The following THBS4 variants were observed in gnomAD, a reference collection of about 807,000 sequenced individuals.
THBS4 encodes thrombospondin-4.
Under a neutral mutation model 115.7 loss-of-function variants are expected in THBS4, and 90 were observed. The ratio of observed to expected loss-of-function variants is 0.78; its 90% CI spans 0.66 to 0.93. THBS4 has a LOEUF of 0.93. THBS4 is among the 40% of genes least tolerant of loss of function. The probability of loss-of-function intolerance (pLI) is 0.00; values close to 1 mark genes in which losing one functional copy is unlikely to be tolerated. For synonymous variants in THBS4, 460 were observed against 479.3 expected (o/e 0.96, Z 0.53); for missense variants, 1,087 against 1,232.7 (o/e 0.88, Z 1.77).
chr5:79,997,624 A>G (rs1375710066), intron 1 of THBS4, among the ~76,000 whole-genome samples: 1 of 152,222 alleles, frequency 6.6e-6, no homozygotes. Flanking sequence ...AAAAATAAGC[A>G]AAGATATAGA....
Position 80,079,953 on chromosome 5 carries a change from T to A in THBS4, c.2560T>A (p.Trp854Arg), listed in dbSNP as rs1460265546. ...GPGEHLRNSL[W>R]HTGDTSDQVR... ...AGGGGAGCATCTCCGGAACTCCCTGTGGCACACGGGGGACACCAGTGACCA... is the reference window on the plus strand; with the variant it reads ...AGGGGAGCATCTCCGGAACTCCCTGAGGCACACGGGGGACACCAGTGACCA... The change falls in exon 20 of 22, where the codon TGG becomes AGG. Residue 854 changes from tryptophan (W) to arginine (R), a missense_variant. Trp to Arg is a moderately radical substitution (Grantham distance 101). Transcript: ENST00000350881. The A allele has an allele frequency of 6.2e-7, 1 of 1,614,126 alleles. No individual in the cohort carries two copies. Among genetic ancestry groups the A allele is most frequent in the East Asian group, 2.2e-5 (1 of 44,862 alleles).
chr5:80,062,384 T>A (rs541096067), intron 8 of THBS4, among the ~76,000 whole-genome samples: 1 of 152,236 alleles, frequency 6.6e-6, no homozygotes, highest in Non-Finnish European at 1.5e-5. Flanking sequence ...TTTAACTGAC[T>A]GACTGTGAAA....
intron 10 of THBS4, among the ~76,000 whole-genome samples, chr5:80,069,441 A>T (rs1290974242): frequency 6.6e-6 from 1 of 152,228 alleles, no homozygotes; most frequent in Non-Finnish European, 1.5e-5. Context: ...AAAAGCAGTC[A>T]TTGAGAAACA....
In THBS4 at chr5:80,056,217, G is replaced by A. The variant is rs78513311; in HGVS notation, c.540+185G>A. Among the ~76,000 whole-genome samples, 132 of 152,264 alleles carry A rather than the reference G, an allele frequency of 8.7e-4. 1 individual carries two copies. Among genetic ancestry groups the A allele is most frequent in the Admixed American group, 1.8e-3 (27 of 15,302 alleles). ...GCTGCCCCTAGGACAAACTGAATCCGAATCTGTCGGGTGGGGCCTAGCATA... is the reference window on the plus strand; with the variant it reads ...GCTGCCCCTAGGACAAACTGAATCCAAATCTGTCGGGTGGGGCCTAGCATA... On this transcript the variant is annotated intron_variant, in intron 3 of 21. Coordinates refer to ENST00000350881, the MANE Select transcript of THBS4 (RefSeq NM_003248.6).
intron 2 of THBS4, among the ~76,000 whole-genome samples, chr5:80,012,829 T>A (rs1369209865): frequency 6.6e-6 from 1 of 152,202 alleles, no homozygotes; most frequent in Non-Finnish European, 1.5e-5. Context: ...TCTACTTAAG[T>A]AGTGGCATTC....
chr5:80,059,559 A>G, intron 6 of THBS4, 68 bp downstream of exon 6: 1 of 1,604,652 alleles, frequency 6.2e-7, no homozygotes. Context: ...GCTTGCGGTG[A>G]GGCTGTGTTG....
chr5:80,018,389 CTTTTTTTTT>C (rs35373315), intron 2 of THBS4, among the ~76,000 whole-genome samples: 1 of 100,004 alleles, frequency 1.0e-5, no homozygotes, highest in Non-Finnish European at 1.9e-5. Context: ...TTCAAATATA[CTTTTTTTTT>C]TTTTTTTTTT....
chr5:80,013,810 TTAAATGA>T (rs1307505840), intron 2 of THBS4, among the ~76,000 whole-genome samples: 1 of 152,236 alleles, frequency 6.6e-6, no homozygotes, highest in Non-Finnish European at 1.5e-5. Flanking sequence ...ATTGTGAGAA[TTAAATGA>T]TGTATAATTC....
Position 80,083,226 on chromosome 5 carries a change from C to A in THBS4, c.*85C>A. 1 of 1,161,968 alleles carries A rather than the reference C, an allele frequency of 8.6e-7. No homozygotes were observed. The highest frequency in any genetic ancestry group is 1.3e-6 in the Non-Finnish European group (1 of 773,212). 72.0% of individuals were successfully genotyped at this position (1,161,968 alleles called of 1,614,324 possible). A position where few individuals can be genotyped will look rare whatever the true frequency, so the allele number is the denominator to read the frequency against. The stretch of plus-strand genomic sequence containing the variant: ...CAATTTTCTTTAGCTTTTACCAACC[C>A]AAATATATCAAAACGTTTTATGTGA... On this transcript the variant is annotated 3_prime_UTR_variant, in exon 22 of 22. Coordinates refer to ENST00000350881, the MANE Select transcript of THBS4 (RefSeq NM_003248.6).
At chr5:80,070,990 C>CT (rs764880406) in intron 12 of THBS4, 31 bp from the exon 13 acceptor site, 7 of 1,608,056 alleles carry the variant, frequency 4.4e-6, no homozygotes, top group Admixed American at 1.7e-5. Flanking sequence ...TAGTAAAAGT[C>CT]TGAGTGATGT....
In THBS4 at chr5:80,076,948, G is replaced by C. The variant is rs750083743; in HGVS notation, c.1986G>C (p.Glu662Asp). The change falls in exon 16 of 22, where the codon GAG (glutamate) becomes GAC (aspartate). Residue 662 changes from glutamate to aspartate, a missense_variant. Transcript: ENST00000350881. ...LDTDKDGIGD[E>D]CDDDDDNDGI... is the part of the protein sequence containing the mutation. ...CCGATAAGGATGGAATTGGTGACGA[G>C]TGTGATGATGATGATGACAATGATG... 3.7e-6 allele frequency: 6 copies of C among 1,613,974 alleles called. No individual in the cohort carries two copies. The Admixed American group carries it at 1.0e-4, about 27-fold the overall frequency.
At chr5:80,056,864 T>C (rs1019186335) in intron 3 of THBS4, among the ~76,000 whole-genome samples, 2 of 152,216 alleles carry the variant, frequency 1.3e-5, no homozygotes, top group Non-Finnish European at 2.9e-5. Context: ...ATGCTTTAGT[T>C]ACAAGCTACT....
upstream of THBS4, among the ~76,000 whole-genome samples, chr5:80,033,534 G>T (rs1245723908): frequency 6.6e-6 from 1 of 152,168 alleles, no homozygotes; most frequent in African/African-American, 2.4e-5. Context: ...CAAAGAAGAT[G>T]CATCCATTCA....
Position 80,082,464 on chromosome 5 carries a change from A to G in THBS4, c.2743A>G (p.Thr915Ala). ...TGACTCTGGCGTCACCATAGACACC[A>G]CAATGCGTGGAGGCCGACTTGGCGT... ...VADSGVTIDT[T>A]MRGGRLGVFC... The change falls in exon 21 of 22, where the codon ACA becomes GCA. Residue 915 changes from threonine to alanine, a missense_variant. Coordinates refer to ENST00000350881, the MANE Select transcript of THBS4 (RefSeq NM_003248.6). 10 of 1,614,222 alleles carry G rather than the reference A, an allele frequency of 6.2e-6. No individual in the cohort carries two copies. The highest frequency in any genetic ancestry group is 8.5e-6 in the Non-Finnish European group (10 of 1,180,038).
intron 2 of THBS4, among the ~76,000 whole-genome samples, chr5:80,025,822 C>G (rs1036918663): frequency 6.6e-6 from 1 of 152,136 alleles, no homozygotes; most frequent in Admixed American, 6.5e-5. Context: ...CCCTGGATTT[C>G]TGGGTAAACT....
chr5:80,018,684 C>T (rs1028069535), intron 2 of THBS4, among the ~76,000 whole-genome samples: 3 of 151,998 alleles, frequency 2.0e-5, no homozygotes, highest in African/African-American at 4.8e-5. Context: ...TGTGAGCCAC[C>T]GTGCCCAGCC....
intron 2 of THBS4, among the ~76,000 whole-genome samples, chr5:80,054,599 G>A (rs940208694): frequency 6.6e-5 from 10 of 151,954 alleles, no homozygotes; most frequent in African/African-American, 9.7e-5. Flanking sequence ...GATTACAGGC[G>A]TGAGCCACTG....
intron 2 of THBS4, among the ~76,000 whole-genome samples, chr5:80,027,110 T>C (rs886421032): frequency 6.6e-6 from 1 of 152,204 alleles, no homozygotes; most frequent in East Asian, 1.9e-4. Flanking sequence ...TTCTCCTTCT[T>C]TCTTCCTGGT....
intron 15 of THBS4, 42 bp from the exon 16 acceptor site, chr5:80,076,813 C>A: frequency 1.3e-6 from 2 of 1,487,690 alleles, no homozygotes; most frequent in South Asian, 2.9e-5. Flanking sequence ...TTCCTGTTCC[C>A]TGCTGAACTG....
Sources: gnomAD v4.1 joint callset for allele counts (sites outside exome capture counted in the v4.1 genomes callset) on GRCh38, gnomAD v4.1.1 for gene constraint, MANE v1.5 for transcripts, NCBI Gene and HGNC (gene_info 2026-07-23, HGNC 2026-07-21) for gene names.